UVRAG: variants seen among roughly 807,000 people sequenced by gnomAD.
UVRAG encodes the protein UV radiation resistance associated.
Under a neutral mutation model 78.0 loss-of-function variants are expected in UVRAG, and 19 were observed. The observed-to-expected ratio is 0.24, with a 90% CI of 0.17 to 0.36. The LOEUF (loss-of-function observed/expected upper bound fraction) is 0.36. Ranked by LOEUF, UVRAG falls within the 10% of genes least tolerant of loss-of-function variation. UVRAG has a pLI of 1.00. For missense variants in UVRAG, 740 were observed against 853.8 expected (o/e 0.87, Z 1.66); for synonymous variants, 323 against 324.6 (o/e 1.00, Z 0.05).
chr11:76,047,750 A>G (rs1174043535), intron 12 of UVRAG, among the ~76,000 whole-genome samples: 2 of 152,198 alleles, frequency 1.3e-5, no homozygotes, highest in Admixed American at 6.5e-5. Context: ...GGACACATCT[A>G]ATTTTTTCAA....
At chr11:76,003,288 T>TTG (rs1491521163) in intron 8 of UVRAG, among the ~76,000 whole-genome samples, 1 of 62,472 alleles carries the variant, frequency 1.6e-5, no homozygotes, top group African/African-American at 6.1e-5. Context: ...TTTTTTTTTT[T>TTG]GGAGACAGAG....
chr11:76,058,201 A>C (rs1419892408), intron 12 of UVRAG, among the ~76,000 whole-genome samples: 4 of 151,978 alleles, frequency 2.6e-5, no homozygotes, highest in Non-Finnish European at 5.9e-5. Context: ...TGTAGGGGGG[A>C]CTTTGGGAAA....
At chr11:76,137,907 TA>T (rs1222710346) in intron 14 of UVRAG, among the ~76,000 whole-genome samples, 4 of 152,072 alleles carry the variant, frequency 2.6e-5, no homozygotes, top group East Asian at 1.9e-4. Context: ...ACTTTGTCTC[TA>T]AAAAAATTTT....
intron 13 of UVRAG, among the ~76,000 whole-genome samples, chr11:76,084,194 A>T (rs150491150): frequency 6.6e-6 from 1 of 152,252 alleles, no homozygotes; most frequent in African/African-American, 2.4e-5. Flanking sequence ...GTGAGTGGAT[A>T]TATTTCCTAA....
chr11:75,879,070 G>C (rs1946883087), intron 3 of UVRAG, among the ~76,000 whole-genome samples: 1 of 152,152 alleles, frequency 6.6e-6, no homozygotes, highest in South Asian at 2.1e-4. Flanking sequence ...TCCCTGGACG[G>C]TTCTCTTAAT....
chr11:76,008,416 T>A (rs571591538), intron 10 of UVRAG, among the ~76,000 whole-genome samples: 12 of 152,336 alleles, frequency 7.9e-5, no homozygotes, highest in Middle Eastern at 3.4e-3. Flanking sequence ...GAACTAAATC[T>A]GCTAAATTTG....
chr11:76,040,258 G>C (rs567042579), intron 12 of UVRAG, among the ~76,000 whole-genome samples: 3 of 151,850 alleles, frequency 2.0e-5, no homozygotes, highest in Non-Finnish European at 4.4e-5. Context: ...TGGATCACGA[G>C]GTCAGGAGAT....
intron 5 of UVRAG, among the ~76,000 whole-genome samples, chr11:75,908,712 CTTTTTTTT>C (rs1024795820): frequency 0.033 from 1,517 of 45,406 alleles, 16 homozygotes; most frequent in African/African-American, 0.12. Context: ...TGGTTCTGGG[CTTTTTTTT>C]TTTTTTTTTT....
At chr11:76,097,141 A>G (rs1337309049) in intron 13 of UVRAG, among the ~76,000 whole-genome samples, 1 of 152,050 alleles carries the variant, frequency 6.6e-6, no homozygotes, top group Admixed American at 6.6e-5. Flanking sequence ...TCCTTGTGTA[A>G]AACCATCATC....
chr11:75,815,211 G>A lies in UVRAG; in HGVS notation c.-197G>A, dbSNP rs1334999679. 3 of 430,914 alleles carry A rather than the reference G, an allele frequency of 7.0e-6. No homozygotes were observed. The highest frequency in any genetic ancestry group is 5.5e-5 in the South Asian group (1 of 18,306). The allele number at this position is 430,914 out of a possible 1,614,324, so 26.7% of individuals were successfully genotyped here. On this transcript the variant is annotated 5_prime_UTR_variant, in exon 1 of 15. Coordinates refer to ENST00000356136, the MANE Select transcript of UVRAG (RefSeq NM_003369.4). ...AGCGGGGTGGAGGGGTTGCACTGCG[G>A]TAATATGGCTCTTCCTTAGCCAGCG... is the stretch of plus-strand genomic sequence containing the variant.
At chr11:76,004,287 G>C (rs962818005) in intron 9 of UVRAG, among the ~76,000 whole-genome samples, 198 bp downstream of exon 9, 2 of 152,194 alleles carry the variant, frequency 1.3e-5, no homozygotes, top group African/African-American at 4.8e-5. Flanking sequence ...AGTTATGAAA[G>C]CTCCTAGTAT....
At chr11:76,138,866 A>C (rs1459044231) in intron 14 of UVRAG, among the ~76,000 whole-genome samples, 1 of 152,216 alleles carries the variant, frequency 6.6e-6, no homozygotes, top group African/African-American at 2.4e-5. Flanking sequence ...GTCAACCTGC[A>C]AGATGATTTA....
chr11:75,864,299 G>A (rs1400715686), intron 3 of UVRAG, among the ~76,000 whole-genome samples: 3 of 152,090 alleles, frequency 2.0e-5, no homozygotes, highest in Non-Finnish European at 1.5e-5. Flanking sequence ...CAAGCAATCC[G>A]CCTAACTCAG....
At chr11:76,041,382 C>G (rs946701148) in intron 12 of UVRAG, among the ~76,000 whole-genome samples, 1 of 152,160 alleles carries the variant, frequency 6.6e-6, no homozygotes, top group Non-Finnish European at 1.5e-5. Context: ...TGCGTGGAAC[C>G]CCAGAGGAGA....
At chr11:76,084,559 G>A (rs1951550766) in intron 13 of UVRAG, among the ~76,000 whole-genome samples, 1 of 151,962 alleles carries the variant, frequency 6.6e-6, no homozygotes, top group Admixed American at 6.6e-5. Flanking sequence ...TAAAATGTAT[G>A]ATCCGAGTTT....
intron 7 of UVRAG, 124 bp from the exon 8 acceptor site, chr11:75,983,263 C>A: frequency 1.2e-6 from 1 of 818,674 alleles, no homozygotes; most frequent in Non-Finnish European, 1.8e-6. Context: ...CTCAAGAGTT[C>A]CATAAGTTTG....
chr11:76,081,283 G>A (rs1017930477), intron 13 of UVRAG, among the ~76,000 whole-genome samples: 3 of 151,780 alleles, frequency 2.0e-5, no homozygotes, highest in Non-Finnish European at 4.4e-5. Context: ...TTGACTCACT[G>A]CAACCTCCAC....
At chr11:75,885,170 ATC>A (rs1947048531) in intron 4 of UVRAG, among the ~76,000 whole-genome samples, 1 of 152,044 alleles carries the variant, frequency 6.6e-6, no homozygotes, top group South Asian at 2.1e-4. Context: ...AGAAATATAT[ATC>A]TCTGTACTGA....
At chr11:75,931,544 T>A (rs980242616) in intron 6 of UVRAG, among the ~76,000 whole-genome samples, 1 of 152,188 alleles carries the variant, frequency 6.6e-6, no homozygotes, top group Non-Finnish European at 1.5e-5. Flanking sequence ...ATACAATTTT[T>A]AAAAAATCAA....
Sources: gnomAD v4.1 joint callset for allele counts (sites outside exome capture counted in the v4.1 genomes callset) on GRCh38, gnomAD v4.1.1 for gene constraint, MANE v1.5 for transcripts, NCBI Gene and HGNC (gene_info 2026-07-23, HGNC 2026-07-21) for gene names.